The following GATC variants were observed in gnomAD, a reference collection of about 807,000 sequenced individuals.
GATC encodes glutamyl-tRNA(Gln) amidotransferase subunit C, mitochondrial.
A neutral mutation model predicts 14.4 loss-of-function variants in GATC; 11 were observed. The observed-to-expected ratio is 0.77, with a 90% CI of 0.48 to 1.27. GATC has a LOEUF of 1.27. Ranked by LOEUF, GATC falls within the 50% of genes most tolerant of loss-of-function variation. The pLI is 0.00. For missense variants in GATC, 204 were observed against 183.0 expected (o/e 1.11, Z -0.66); for synonymous variants, 76 against 79.3 (o/e 0.96, Z 0.22).
intron 3 of GATC, among the ~76,000 whole-genome samples, chr12:120,458,751 T>C (rs1478471293): frequency 6.6e-6 from 1 of 152,162 alleles, no homozygotes; most frequent in Non-Finnish European, 1.5e-5. Context: ...GGAGAATCAT[T>C]CTGAGCAGAC....
intron 2 of GATC, among the ~76,000 whole-genome samples, chr12:120,447,912 CCTGG>C (rs1318527072): frequency 6.6e-6 from 1 of 151,950 alleles, no homozygotes; most frequent in Non-Finnish European, 1.5e-5. Context: ...TGCCACTTGG[CCTGG>C]CTAATTTTTT....
intron 2 of GATC, among the ~76,000 whole-genome samples, chr12:120,447,078 TTTG>T: frequency 8.3e-6 from 1 of 120,626 alleles, no homozygotes. Context: ...GTTTGTTTGT[TTTG>T]TTTTTTTTTT....
chr12:120,446,864 G>T lies in GATC; in HGVS notation c.254+35G>T, dbSNP rs370981592. On this transcript the variant is annotated intron_variant, in intron 2 of 3. Coordinates refer to ENST00000551765, the MANE Select transcript of GATC (RefSeq NM_176818.3). ...CGGCTGCAGCCCCGAAGCCTTGACC[G>T]TGGCCCGTTCGCAGCCGTTTAATGT... is the stretch of plus-strand genomic sequence containing the variant. The T allele has an allele frequency of 3.9e-5, 60 of 1,555,204 alleles. No homozygotes were observed. The African/African-American group carries it at 7.3e-4, about 19-fold the overall frequency.
In GATC at chr12:120,461,431, T is replaced by C. The variant is rs1188253403; in HGVS notation, c.*1472T>C. 6.6e-6 allele frequency: 1 copy of C among 152,174 alleles called. No individual in the cohort carries two copies. Among genetic ancestry groups the C allele is most frequent in the Admixed American group, 6.6e-5 (1 of 15,264 alleles). 9.4% of individuals were successfully genotyped at this position (152,174 alleles called of 1,614,324 possible). A position where few individuals can be genotyped will look rare whatever the true frequency, so the allele number is the denominator to read the frequency against. ...TCCCTTCCTTTATCTGCAATGCTTT[T>C]TTCTTTAAGGCAGCCTAATTTACAA... is the stretch of plus-strand genomic sequence containing the variant. On this transcript the variant is annotated 3_prime_UTR_variant, in exon 4 of 4. Transcript: ENST00000551765.
chr12:120,453,922 AATGT>A (rs1383406588), intron 2 of GATC, among the ~76,000 whole-genome samples: 15 of 152,116 alleles, frequency 9.9e-5, no homozygotes, highest in African/African-American at 2.7e-4. Context: ...ACTAAATAGA[AATGT>A]ATGTATGTAT....
intron 2 of GATC, among the ~76,000 whole-genome samples, chr12:120,448,896 G>A (rs1283022228): frequency 4.0e-5 from 6 of 149,668 alleles, no homozygotes; most frequent in African/African-American, 1.5e-4. Context: ...CACCCGCCTC[G>A]GCCTCCCAAA....
chr12:120,457,459 G>A (rs551378754), intron 3 of GATC, among the ~76,000 whole-genome samples: 2 of 151,972 alleles, frequency 1.3e-5, no homozygotes, highest in Non-Finnish European at 2.9e-5. Context: ...CTGGCATTCA[G>A]TGTTTCTCAA....
intron 3 of GATC, among the ~76,000 whole-genome samples, chr12:120,457,976 A>G (rs950970739): frequency 6.6e-6 from 1 of 152,080 alleles, no homozygotes. Flanking sequence ...GTCTGCCCTC[A>G]GTCTGTGCCC....
At position 120,446,566 on chromosome 12, in the gene GATC, A is replaced by T. The variant is rs778849527; in HGVS notation, c.81+5A>T. 1.8e-5 allele frequency: 28 copies of T among 1,594,000 alleles called. No homozygotes were observed. The highest frequency in any genetic ancestry group is 2.3e-5 in the Non-Finnish European group (27 of 1,169,746). On this transcript the variant is annotated splice_donor_5th_base_variant and intron_variant, in intron 1 of 3. Transcript: ENST00000551765. ...ACCTCCAAGGCGGATCCTCAGGTAA[A>T]GGCCAGGGCCATCTAGGCGGGTGGC...
At chr12:120,456,372 G>T (rs549940809) in intron 2 of GATC, among the ~76,000 whole-genome samples, 4 of 152,166 alleles carry the variant, frequency 2.6e-5, no homozygotes, top group Non-Finnish European at 5.9e-5. Context: ...CAAAGTGGCT[G>T]TGGTGGAAAA....
intron 2 of GATC, among the ~76,000 whole-genome samples, chr12:120,447,778 TG>T (rs1877917811): frequency 6.6e-6 from 1 of 152,182 alleles, no homozygotes; most frequent in Non-Finnish European, 1.5e-5. Flanking sequence ...GTTTTTGAGA[TG>T]GAGTCTCACT....
At chr12:120,450,208 G>A (rs1878002676) in intron 2 of GATC, among the ~76,000 whole-genome samples, 1 of 152,166 alleles carries the variant, frequency 6.6e-6, no homozygotes, top group Non-Finnish European at 1.5e-5. Flanking sequence ...TGAGGAATTT[G>A]GATCCAGTAG....
At chr12:120,450,001 A>T (rs1158529450) in intron 2 of GATC, among the ~76,000 whole-genome samples, 1 of 152,106 alleles carries the variant, frequency 6.6e-6, no homozygotes, top group Non-Finnish European at 1.5e-5. Flanking sequence ...ACCTCAGGTG[A>T]TCTGCCCACC....
intron 2 of GATC, among the ~76,000 whole-genome samples, chr12:120,451,881 T>TTTTTTTCTTTTTC (rs1297254568): frequency 7.9e-6 from 1 of 126,726 alleles, no homozygotes; most frequent in African/African-American, 3.0e-5. Flanking sequence ...AATTCTTTTT[T>TTTTTTTCTTTTTC]TTTTTTTTTT....
chr12:120,455,627 G>C (rs73221368), intron 2 of GATC, among the ~76,000 whole-genome samples: 4,786 of 152,104 alleles, frequency 0.031, 118 homozygotes, highest in Non-Finnish European at 0.048. Flanking sequence ...GTCTAGCTTT[G>C]GGCTGGGTGC....
Position 120,462,537 on chromosome 12 carries a change from T to C in GATC, c.*2578T>C, listed in dbSNP as rs992257754. 1.8e-5 allele frequency: 3 copies of C among 167,712 alleles called. No homozygotes were observed. The Admixed American group carries it at 1.8e-4, about 10-fold the overall frequency. 10.4% of individuals were successfully genotyped at this position (167,712 alleles called of 1,614,324 possible). A position where few individuals can be genotyped will look rare whatever the true frequency, so the allele number is the denominator to read the frequency against. On this transcript the variant is annotated 3_prime_UTR_variant, in exon 4 of 4. Coordinates refer to ENST00000551765, the MANE Select transcript of GATC (RefSeq NM_176818.3). ...TATAGTTTAATCCCCTGCCACCTCA[T>C]GTATGCATCTTTGGATGGGCATCTA...
chr12:120,455,494 C>A (rs1194959321), intron 2 of GATC, among the ~76,000 whole-genome samples: 1 of 151,916 alleles, frequency 6.6e-6, no homozygotes, highest in East Asian at 1.9e-4. Flanking sequence ...CCGCCGCCCC[C>A]CTCCAAGAAA....
chr12:120,457,052 A>T (rs1454263026), intron 2 of GATC, 24 bp from the exon 3 acceptor site: 1 of 1,532,000 alleles, frequency 6.5e-7, no homozygotes, highest in Non-Finnish European at 9.0e-7. Context: ...TGAGAGGGTA[A>T]CCTTGAGCTT....
In GATC at chr12:120,457,172, C is replaced by T. The variant is rs375590833; in HGVS notation, c.351C>T (p.Ala117=). The T allele has an allele frequency of 3.7e-6, 6 of 1,608,506 alleles. No individual in the cohort carries two copies. In the South Asian group the frequency reaches 4.4e-5, roughly 12 times the overall value. Residue 117 remains alanine (A), a synonymous_variant, in exon 3 of 4, where the codon GCC becomes GCT. Coordinates refer to ENST00000551765, the MANE Select transcript of GATC (RefSeq NM_176818.3). ...SHRVVEEYFV[A]PPGNISLPKL... ...GCGTCGTGGAGGAGTACTTTGTGGCCCCCCCAGGTACGTGCTGCCCAGAAT... is the reference window on the plus strand; with the variant it reads ...GCGTCGTGGAGGAGTACTTTGTGGCTCCCCCAGGTACGTGCTGCCCAGAAT...
Sources: gnomAD v4.1 joint callset for allele counts (sites outside exome capture counted in the v4.1 genomes callset) on GRCh38, gnomAD v4.1.1 for gene constraint, MANE v1.5 for transcripts, NCBI Gene and HGNC (gene_info 2026-07-23, HGNC 2026-07-21) for gene names.